The following PCDHA11 variants were observed in gnomAD, a reference collection of about 807,000 sequenced individuals.
The protein encoded by PCDHA11 is protocadherin alpha-11.
Under a neutral mutation model 70.3 loss-of-function variants are expected in PCDHA11, and 61 were observed. The ratio of observed to expected loss-of-function variants is 0.87; its 90% CI spans 0.71 to 1.07. The LOEUF is 1.07. PCDHA11 is among the 50% of genes least tolerant of loss of function. The probability of loss-of-function intolerance (pLI) is 0.00; values close to 1 mark genes in which losing one functional copy is unlikely to be tolerated. For missense variants in PCDHA11, 1,324 were observed against 1,237.5 expected (o/e 1.07, Z -1.05); for synonymous variants, 633 against 555.1 (o/e 1.14, Z -1.97).
chr5:140,907,558 A>G (rs2073449629), intron 1 of PCDHA11, among the ~76,000 whole-genome samples: 1 of 152,186 alleles, frequency 6.6e-6, no homozygotes, highest in Non-Finnish European at 1.5e-5. Flanking sequence ...GGTCCAATAT[A>G]ATCAACTTGC....
At chr5:140,881,559 C>A (rs1293330721) in intron 1 of PCDHA11, among the ~76,000 whole-genome samples, 1 of 152,174 alleles carries the variant, frequency 6.6e-6, no homozygotes, top group East Asian at 1.9e-4. Context: ...ATATAAATAT[C>A]TTATCTACAT....
intron 3 of PCDHA11, among the ~76,000 whole-genome samples, chr5:141,007,112 G>A (rs1554261059): frequency 6.6e-6 from 1 of 152,170 alleles, no homozygotes; most frequent in African/African-American, 2.4e-5. Flanking sequence ...ACCCAAGGAA[G>A]CTTCAACACA....
At position 140,870,389 on chromosome 5, in the gene PCDHA11, G is replaced by A. The variant is rs1262225558; in HGVS notation, c.1286G>A (p.Gly429Glu). ...GAACTGGTGGTGACTGCGCGGGATG[G>A]GGGTTCGCCTTCTCTGTGGGCCACG... is the stretch of plus-strand genomic sequence containing the variant. ...AYELVVTARD[G>E]GSPSLWATAR... Residue 429 changes from glycine to glutamate, a missense_variant, in exon 1 of 4, where the codon GGG (glycine) becomes GAG (glutamate). Gly to Glu is a moderately conservative substitution (Grantham distance 98). Coordinates refer to ENST00000398640, the MANE Select transcript of PCDHA11 (RefSeq NM_018902.5). 6.2e-7 allele frequency: 1 copy of A among 1,614,132 alleles called. No homozygotes were observed. The highest frequency in any genetic ancestry group is 8.5e-7 in the Non-Finnish European group (1 of 1,180,054).
chr5:140,913,117 GT>G (rs1393810466), intron 1 of PCDHA11, among the ~76,000 whole-genome samples: 23 of 152,262 alleles, frequency 1.5e-4, no homozygotes, highest in Admixed American at 5.2e-4. Flanking sequence ...CAGTTTGGAA[GT>G]TAACCCCTCC....
chr5:140,969,028 A>G (rs1554231371), intron 1 of PCDHA11: 1 of 1,614,208 alleles, frequency 6.2e-7, no homozygotes, highest in Non-Finnish European at 8.5e-7. Context: ...GGTCCCCTGC[A>G]GAACTGTACA....
At chr5:140,988,503 GAA>G (rs2097300771) in intron 3 of PCDHA11, among the ~76,000 whole-genome samples, 1 of 152,152 alleles carries the variant, frequency 6.6e-6, no homozygotes, top group Non-Finnish European at 1.5e-5. Flanking sequence ...GAGAAGCCAT[GAA>G]GCTTACTTAA....
At chr5:140,884,487 T>G (rs374963144) in intron 1 of PCDHA11, 3 of 1,613,832 alleles carry the variant, frequency 1.9e-6, no homozygotes, top group Non-Finnish European at 1.7e-6. Flanking sequence ...CCCACTCTAG[T>G]GTGCTCCAGC....
At chr5:140,888,173 T>A (rs1231331780) in intron 1 of PCDHA11, among the ~76,000 whole-genome samples, 1 of 152,224 alleles carries the variant, frequency 6.6e-6, no homozygotes, top group African/African-American at 2.4e-5. Context: ...AATAAGATGC[T>A]AGACATTGTG....
intron 1 of PCDHA11, among the ~76,000 whole-genome samples, chr5:140,896,714 T>C (rs1554187081): frequency 6.6e-6 from 1 of 152,180 alleles, no homozygotes; most frequent in African/African-American, 2.4e-5. Flanking sequence ...TGTTTTTTGC[T>C]TGTTAATTTG....
At position 140,870,491 on chromosome 5, in the gene PCDHA11, T is replaced by C. The variant is rs781889223; in HGVS notation, c.1388T>C (p.Val463Ala). The change falls in exon 1 of 4, where the codon GTG (valine) becomes GCG (alanine). Residue 463 changes from valine (V) to alanine (A), a missense_variant. Coordinates refer to ENST00000398640, the MANE Select transcript of PCDHA11 (RefSeq NM_018902.5). ...GCACAGCCCGAGTACACCGTGTTCG[T>C]GAAGGAGAACAACCCACCAGGCTGC... ...AFAQPEYTVF[V>A]KENNPPGCHI... is the part of the protein sequence containing the mutation. The C allele has an allele frequency of 6.2e-6, 10 of 1,614,076 alleles. No individual in the cohort carries two copies. Among genetic ancestry groups the C allele is most frequent in the Non-Finnish European group, 8.5e-6 (10 of 1,180,052 alleles).
chr5:140,922,784 C>G (rs1399042980), intron 1 of PCDHA11, among the ~76,000 whole-genome samples: 1 of 152,140 alleles, frequency 6.6e-6, no homozygotes, highest in Non-Finnish European at 1.5e-5. Context: ...GGAGAGAAAA[C>G]TGTAGCTTTG....
At chr5:140,871,735 A>T in intron 1 of PCDHA11, 1 of 686,792 alleles carries the variant, frequency 1.5e-6, no homozygotes, top group Non-Finnish European at 2.3e-6. Context: ...TTTGGTTAGC[A>T]AATCCTAAAA....
rs782027925 is a variant in PCDHA11, at chr5:140,877,333, C to G, written c.2391+5839C>G. The G allele has an allele frequency of 2.5e-6, 4 of 1,613,992 alleles. No individual in the cohort carries two copies. The South Asian group carries it at 3.3e-5, about 13-fold the overall frequency. Reference sequence around the variant, plus strand: ...ACCGGCGGCGGTCGGCGCGCACATCCCGTTCCACGTGGGGCTGTACACTGG... The same window carrying G: ...ACCGGCGGCGGTCGGCGCGCACATCGCGTTCCACGTGGGGCTGTACACTGG... On this transcript the variant is annotated intron_variant, in intron 1 of 3. Transcript: ENST00000398640.
intron 3 of PCDHA11, among the ~76,000 whole-genome samples, chr5:141,005,035 GT>G (rs1272983494): frequency 6.6e-6 from 1 of 152,194 alleles, no homozygotes; most frequent in African/African-American, 2.4e-5. Context: ...TTGCCCATAT[GT>G]GATACCATTT....
intron 1 of PCDHA11, among the ~76,000 whole-genome samples, chr5:140,923,894 G>A (rs2081566819): frequency 6.6e-6 from 1 of 152,186 alleles, no homozygotes; most frequent in African/African-American, 2.4e-5. Flanking sequence ...AAGAGGAGGA[G>A]TTTCTGTGAA....
At chr5:140,924,227 TA>T (rs2153571643) in intron 1 of PCDHA11, among the ~76,000 whole-genome samples, 1 of 152,354 alleles carries the variant, frequency 6.6e-6, no homozygotes, top group East Asian at 1.9e-4. Flanking sequence ...GTTCAATTTT[TA>T]TGGGCTGTTT....
At chr5:140,956,504 T>C (rs577559329) in intron 1 of PCDHA11, among the ~76,000 whole-genome samples, 1 of 152,352 alleles carries the variant, frequency 6.6e-6, no homozygotes, top group South Asian at 2.1e-4. Context: ...TGAAGCCTAC[T>C]TGATCATGGT....
chr5:140,945,947 ACCCTGAAAG>A (rs1554217229), intron 1 of PCDHA11, among the ~76,000 whole-genome samples: 1 of 152,132 alleles, frequency 6.6e-6, no homozygotes, highest in Admixed American at 6.5e-5. Flanking sequence ...TTTTTATATG[ACCCTGAAAG>A]CACAGGCAAT....
chr5:140,928,351 G>A lies in PCDHA11; in HGVS notation c.2392-50598G>A, dbSNP rs201396871. ...CCTTGTCTCTTATGAGCTGTTGGAT[G>A]TTATCTCTGAAGGGCCATCAGCCTC... On this transcript the variant is annotated intron_variant, in intron 1 of 3. Coordinates refer to ENST00000398640, the MANE Select transcript of PCDHA11 (RefSeq NM_018902.5). The A allele has an allele frequency of 1.2e-5, 20 of 1,614,150 alleles. No individual in the cohort carries two copies. In the East Asian group the frequency reaches 4.5e-4, roughly 36 times the overall value.
Sources: gnomAD v4.1 joint callset for allele counts (sites outside exome capture counted in the v4.1 genomes callset) on GRCh38, gnomAD v4.1.1 for gene constraint, MANE v1.5 for transcripts, NCBI Gene and HGNC (gene_info 2026-07-23, HGNC 2026-07-21) for gene names.